RABGEF1: variants seen among roughly 807,000 people sequenced by gnomAD.
RABGEF1 encodes the protein rab5 GDP/GTP exchange factor.
RABGEF1 carries 26 observed loss-of-function variants against 57.3 expected under a neutral mutation model. The ratio of observed to expected loss-of-function variants is 0.45; its 90% CI spans 0.33 to 0.63. RABGEF1 has a LOEUF of 0.63. RABGEF1 is among the 20% of genes least tolerant of loss of function. The pLI is 0.02. For synonymous variants in RABGEF1, 185 were observed against 210.7 expected (o/e 0.88, Z 1.06); for missense variants, 464 against 607.6 (o/e 0.76, Z 2.48).
intron 2 of RABGEF1, among the ~76,000 whole-genome samples, chr7:66,713,955 T>G (rs1584878275): frequency 6.6e-6 from 1 of 152,344 alleles, no homozygotes; most frequent in Non-Finnish European, 1.5e-5. Flanking sequence ...TATATATTGG[T>G]GCATTCTGTT....
At chr7:66,803,775 G>T (rs1193022739) in intron 7 of RABGEF1, among the ~76,000 whole-genome samples, 1 of 151,892 alleles carries the variant, frequency 6.6e-6, no homozygotes, top group African/African-American at 2.4e-5. Flanking sequence ...TGTAGTCCCA[G>T]CTACTCAGGA....
chr7:66,705,896 T>C (rs1190658968), intron 1 of RABGEF1, among the ~76,000 whole-genome samples: 10 of 116,088 alleles, frequency 8.6e-5, no homozygotes, highest in Non-Finnish European at 1.7e-4. Flanking sequence ...TTTTTTTTTT[T>C]TTTTTTTTTT....
chr7:66,696,073 A>T (rs1027159514), intron 1 of RABGEF1, among the ~76,000 whole-genome samples: 4 of 151,430 alleles, frequency 2.6e-5, no homozygotes, highest in Non-Finnish European at 2.9e-5. Flanking sequence ...AAATATATAT[A>T]TATTTTTTTC....
At chr7:66,802,318 C>A (rs1189324407) in intron 7 of RABGEF1, among the ~76,000 whole-genome samples, 4 of 152,140 alleles carry the variant, frequency 2.6e-5, no homozygotes, top group Non-Finnish European at 5.9e-5. Context: ...ATTATTCAAC[C>A]CCAAATGTCA....
intron 8 of RABGEF1, chr7:66,808,074 C>CA (rs1788815573): frequency 6.6e-6 from 1 of 152,212 alleles, no homozygotes; most frequent in Admixed American, 6.5e-5. Flanking sequence ...GTTTAATTCT[C>CA]ACAATAAATC....
At chr7:66,805,034 G>T (rs1010216286) in intron 7 of RABGEF1, 106 bp from the exon 8 acceptor site, 3 of 1,276,800 alleles carry the variant, frequency 2.3e-6, no homozygotes, top group Admixed American at 4.4e-5. Context: ...TGGAAAAGGG[G>T]TTAATAAGGA....
intron 8 of RABGEF1, 109 bp from the exon 9 acceptor site, chr7:66,808,777 T>G (rs1789038122): frequency 1.7e-6 from 2 of 1,193,882 alleles, no homozygotes; most frequent in Non-Finnish European, 2.3e-6. Context: ...GTTTGTTTTG[T>G]TTACTTTAGC....
intron 2 of RABGEF1, among the ~76,000 whole-genome samples, chr7:66,772,623 G>A (rs1368264647): frequency 2.6e-5 from 4 of 151,942 alleles, no homozygotes; most frequent in Admixed American, 6.6e-5. Context: ...AAAATTAAAC[G>A]ATGGGCCGGG....
intron 1 of RABGEF1, among the ~76,000 whole-genome samples, chr7:66,743,589 C>G (rs1463874897): frequency 6.6e-6 from 1 of 152,120 alleles, no homozygotes; most frequent in African/African-American, 2.4e-5. Context: ...GCAAGCTCCC[C>G]CTCCTGGGTT....
chr7:66,737,447 G>C (rs1339235620), upstream of RABGEF1, among the ~76,000 whole-genome samples: 2 of 151,838 alleles, frequency 1.3e-5, no homozygotes, highest in Non-Finnish European at 2.9e-5. Context: ...CTGGGTAGGG[G>C]GGGGCAGTCT....
intron 1 of RABGEF1, among the ~76,000 whole-genome samples, chr7:66,698,524 G>A (rs996433141): frequency 6.6e-6 from 1 of 152,246 alleles, no homozygotes; most frequent in Non-Finnish European, 1.5e-5. Flanking sequence ...CCCGGGTCTG[G>A]ACGATGGGTG....
chr7:66,801,946 C>T (rs1274092374), intron 7 of RABGEF1, among the ~76,000 whole-genome samples: 7 of 152,186 alleles, frequency 4.6e-5, no homozygotes, highest in Non-Finnish European at 2.9e-5. Context: ...ATCTCTCTGT[C>T]ACCCAGGCTG....
chr7:66,761,248 A>G (rs1018382531), intron 1 of RABGEF1, among the ~76,000 whole-genome samples: 2 of 152,108 alleles, frequency 1.3e-5, no homozygotes, highest in African/African-American at 2.4e-5. Context: ...GTGTCAGATC[A>G]CACAGGGTGA....
At chr7:66,762,741 T>C (rs1804751492) in intron 1 of RABGEF1, among the ~76,000 whole-genome samples, 2 of 151,794 alleles carry the variant, frequency 1.3e-5, no homozygotes, top group Non-Finnish European at 2.9e-5. Context: ...AAAAGAATAA[T>C]AATAAATAGG....
At chr7:66,722,048 A>T (rs1368085976) in intron 2 of RABGEF1, among the ~76,000 whole-genome samples, 1 of 152,136 alleles carries the variant, frequency 6.6e-6, no homozygotes, top group Non-Finnish European at 1.5e-5. Flanking sequence ...ATACCTGATG[A>T]TGTCCCAGCT....
intron 1 of RABGEF1, among the ~76,000 whole-genome samples, chr7:66,743,331 A>G (rs1411127134): frequency 1.3e-5 from 2 of 150,664 alleles, no homozygotes; most frequent in African/African-American, 4.9e-5. Flanking sequence ...AAAAATTTAA[A>G]AAAAAAAAAA....
Position 66,753,012 on chromosome 7 carries a change from G to A in RABGEF1, c.-18+12220G>A, listed in dbSNP as rs1801788902. On this transcript the variant is annotated intron_variant, in intron 1 of 8. Coordinates refer to ENST00000284957, the MANE Select transcript of RABGEF1 (RefSeq NM_014504.3). ...ACTGTGCTAAGTGGCTAAGAGCATG[G>A]GGTGGACATGTAAGCAAGTAATTGT... Among the ~76,000 whole-genome samples, 4 of 152,166 alleles carry A rather than the reference G, an allele frequency of 2.6e-5. No homozygotes were observed. In the South Asian group the frequency reaches 8.3e-4, roughly 32 times the overall value.
chr7:66,691,928 G>A (rs531676316), intron 1 of RABGEF1, among the ~76,000 whole-genome samples: 9 of 152,108 alleles, frequency 5.9e-5, no homozygotes, highest in East Asian at 5.8e-4. Context: ...GTGCTGGCAC[G>A]CATCTGTAGT....
intron 7 of RABGEF1, 29 bp from the exon 8 acceptor site, chr7:66,805,111 T>C (rs995683947): frequency 1.3e-6 from 2 of 1,556,948 alleles, no homozygotes; most frequent in Non-Finnish European, 1.8e-6. Context: ...TCTTTTCTCC[T>C]GGGAAATATT....
Sources: allele counts gnomAD v4.1 joint callset (sites outside exome capture counted in the v4.1 genomes callset), GRCh38; gene constraint gnomAD v4.1.1; transcripts MANE v1.5; gene names NCBI Gene and HGNC (gene_info 2026-07-23, HGNC 2026-07-21).